Variants in DNAI4 observed in about 807,000 individuals in gnomAD.
The protein encoded by DNAI4 is WD repeat domain 78.
Under a neutral mutation model 105.8 loss-of-function variants are expected in DNAI4, and 85 were observed. That is an observed-to-expected ratio of 0.80 (90% confidence interval 0.67 to 0.96). The LOEUF (loss-of-function observed/expected upper bound fraction) is 0.96. DNAI4 is among the 40% of genes least tolerant of loss of function. The probability of loss-of-function intolerance (pLI) is 0.00; values close to 1 mark genes in which losing one functional copy is unlikely to be tolerated. For synonymous variants in DNAI4, 352 were observed against 331.5 expected (o/e 1.06, Z -0.67); for missense variants, 1,014 against 1,005.6 (o/e 1.01, Z -0.11).
chr1:66,847,599 A>G lies in DNAI4; in HGVS notation c.1176T>C (p.Asp392=). The change falls in exon 8 of 17, where the codon GAT becomes GAC. Residue 392 remains aspartate, a synonymous_variant. Coordinates refer to ENST00000371026, the MANE Select transcript of DNAI4 (RefSeq NM_024763.5). ...GAAATTTGTCAGATTTTAATATTGC[A>G]TCTGAGTGGTCTTCCTCATCTTCAT... is the stretch of plus-strand genomic sequence containing the variant. ...KIHEDEEDHS[D]AILKSDKFHQ... The G allele has an allele frequency of 1.2e-6, 2 of 1,614,006 alleles. No homozygotes were observed. Among genetic ancestry groups the G allele is most frequent in the South Asian group, 1.1e-5 (1 of 91,058 alleles).
At chr1:66,847,456 C>T in intron 8 of DNAI4, 28 bp downstream of exon 8, 1 of 1,600,844 alleles carries the variant, frequency 6.2e-7, no homozygotes, top group Non-Finnish European at 8.5e-7. Context: ...CTGCACCCAG[C>T]CTAAACATGT....
chr1:66,904,185 C>G (rs1011033119), intron 2 of DNAI4, among the ~76,000 whole-genome samples: 1 of 152,032 alleles, frequency 6.6e-6, no homozygotes, highest in African/African-American at 2.4e-5. Flanking sequence ...TATGAACATT[C>G]ATGTAGTAGT....
At chr1:66,893,003 AAGAG>A (rs1200544285) in intron 3 of DNAI4, among the ~76,000 whole-genome samples, 1 of 111,922 alleles carries the variant, frequency 8.9e-6, no homozygotes, top group South Asian at 2.5e-4. Context: ...GAAAGAGAGA[AAGAG>A]AGAGAGGAAA....
chr1:66,814,702 T>C (rs1300626631), intron 16 of DNAI4, among the ~76,000 whole-genome samples: 2 of 152,168 alleles, frequency 1.3e-5, no homozygotes, highest in Non-Finnish European at 2.9e-5. Context: ...ATAAACGATT[T>C]TATAAAGATT....
intron 7 of DNAI4, among the ~76,000 whole-genome samples, chr1:66,860,432 C>T (rs1289295607): frequency 1.3e-5 from 2 of 151,868 alleles, no homozygotes; most frequent in African/African-American, 4.8e-5. Flanking sequence ...GGTAACTAGT[C>T]CTAGTTTTGA....
intron 4 of DNAI4, among the ~76,000 whole-genome samples, chr1:66,883,730 T>G (rs1189928789): frequency 6.6e-6 from 1 of 152,184 alleles, no homozygotes; most frequent in African/African-American, 2.4e-5. Flanking sequence ...AGTGACAACT[T>G]ATTATTGGGT....
intron 4 of DNAI4, among the ~76,000 whole-genome samples, chr1:66,875,363 C>T (rs1268478504): frequency 6.6e-6 from 1 of 152,090 alleles, no homozygotes; most frequent in Non-Finnish European, 1.5e-5. Flanking sequence ...CCTTCATTTG[C>T]CCTCCTTATT....
At chr1:66,853,932 C>T (rs1014754047) in intron 7 of DNAI4, among the ~76,000 whole-genome samples, 3 of 152,086 alleles carry the variant, frequency 2.0e-5, no homozygotes, top group African/African-American at 7.2e-5. Flanking sequence ...ATGATACTGT[C>T]CCTAAATGCA....
intron 16 of DNAI4, among the ~76,000 whole-genome samples, chr1:66,821,091 CTTTTTTTTTTTTTT>C (rs55811909): frequency 1.0e-4 from 8 of 80,326 alleles, no homozygotes; most frequent in Admixed American, 6.9e-4. Flanking sequence ...AAACATTTCT[CTTTTTTTTTTTTTT>C]TTTTTTTTTT....
At chr1:66,836,232 GAGAA>G (rs1425258639) in intron 10 of DNAI4, among the ~76,000 whole-genome samples, 1 of 130,174 alleles carries the variant, frequency 7.7e-6, no homozygotes, top group Non-Finnish European at 1.6e-5. Flanking sequence ...GAGAGAGAGA[GAGAA>G]AGAAAGAAAG....
At chr1:66,830,204 T>A (rs1214251192) in intron 13 of DNAI4, among the ~76,000 whole-genome samples, 1 of 150,302 alleles carries the variant, frequency 6.7e-6, no homozygotes, top group Non-Finnish European at 1.5e-5. Flanking sequence ...ATAATAAGGA[T>A]CAAAGTGGAA....
chr1:66,825,471 G>A (rs571951847), intron 15 of DNAI4, among the ~76,000 whole-genome samples: 3 of 152,264 alleles, frequency 2.0e-5, no homozygotes, highest in East Asian at 3.9e-4. Flanking sequence ...GTGAGCCACC[G>A]CGCACGGCCT....
At chr1:66,908,921 C>G (rs2100847330) in intron 1 of DNAI4, among the ~76,000 whole-genome samples, 1 of 152,318 alleles carries the variant, frequency 6.6e-6, no homozygotes, top group Non-Finnish European at 1.5e-5. Flanking sequence ...CTTCTTCATA[C>G]TCCCACTGTC....
At chr1:66,845,190 C>CAAAAAAAAAAAA (rs59265844) in intron 8 of DNAI4, among the ~76,000 whole-genome samples, 15 of 106,316 alleles carry the variant, frequency 1.4e-4, no homozygotes, top group Non-Finnish European at 2.3e-4. Context: ...AACTCCATCT[C>CAAAAAAAAAAAA]AAAAAAAAAA....
intron 10 of DNAI4, among the ~76,000 whole-genome samples, chr1:66,836,258 A>G (rs199918567): frequency 0.025 from 185 of 7,324 alleles, 1 homozygote; most frequent in East Asian, 0.026. Context: ...GAGAGAGAGA[A>G]AGAAAGAAAG....
intron 3 of DNAI4, among the ~76,000 whole-genome samples, chr1:66,892,950 G>GAAGAAAGAAAGA (rs71058479): frequency 0.054 from 4,942 of 91,878 alleles, 228 homozygotes; most frequent in East Asian, 0.12. Flanking sequence ...AGAAGAAAGA[G>GAAGAAAGAAAGA]AAGAAAGAAA....
intron 7 of DNAI4, chr1:66,860,782 A>G (rs887710199): frequency 1.3e-5 from 2 of 152,136 alleles, no homozygotes; most frequent in African/African-American, 4.8e-5. Flanking sequence ...TCCCAGTGTA[A>G]TTTCCAGTCT....
At chr1:66,874,697 G>T in intron 5 of DNAI4, 84 bp downstream of exon 5, 3 of 1,438,114 alleles carry the variant, frequency 2.1e-6, no homozygotes, top group South Asian at 1.4e-5. Context: ...GAACCCCCAA[G>T]GACCCTTCAC....
At chr1:66,883,228 G>C (rs1647119058) in intron 4 of DNAI4, among the ~76,000 whole-genome samples, 2 of 115,066 alleles carry the variant, frequency 1.7e-5, no homozygotes, top group Non-Finnish European at 3.3e-5. Context: ...TTTCTATATA[G>C]ACAATGATGT....
Sources: gnomAD v4.1 joint callset for allele counts (sites outside exome capture counted in the v4.1 genomes callset) on GRCh38, gnomAD v4.1.1 for gene constraint, MANE v1.5 for transcripts, NCBI Gene and HGNC (gene_info 2026-07-23, HGNC 2026-07-21) for gene names.